Variants in MARCHF1 observed in about 807,000 individuals in gnomAD.
MARCHF1 encodes the protein E3 ubiquitin-protein ligase MARCHF1.
In MARCHF1, 40 loss-of-function variants were observed where a neutral mutation model predicts 54.2. The ratio of observed to expected loss-of-function variants is 0.74; its 90% confidence interval spans 0.57 to 0.96. MARCHF1 has a LOEUF of 0.96. MARCHF1 is among the 40% of genes least tolerant of loss of function. MARCHF1 has a pLI of 0.00. For missense variants in MARCHF1, 586 were observed against 656.5 expected (o/e 0.89, Z 1.17); for synonymous variants, 236 against 236.3 (o/e 1.00, Z 0.01).
At chr4:164,090,966 C>T (rs1188828075) in intron 2 of MARCHF1, among the ~76,000 whole-genome samples, 18 of 144,074 alleles carry the variant, frequency 1.2e-4, no homozygotes, top group Non-Finnish European at 1.7e-4. Context: ...AGAAATCACC[C>T]CATTTCAAAC....
At chr4:163,539,569 A>G (rs764670133) in intron 9 of MARCHF1, among the ~76,000 whole-genome samples, 1 of 152,180 alleles carries the variant, frequency 6.6e-6, no homozygotes, top group Non-Finnish European at 1.5e-5. Context: ...AGATCTTTCT[A>G]ACTTCACTGT....
chr4:163,924,979 C>T (rs1262773532), intron 3 of MARCHF1, among the ~76,000 whole-genome samples: 2 of 151,726 alleles, frequency 1.3e-5, no homozygotes, highest in African/African-American at 4.8e-5. Flanking sequence ...TGGCTTTTCT[C>T]ATGAGCAAAA....
intron 8 of MARCHF1, among the ~76,000 whole-genome samples, chr4:163,566,531 G>C (rs1739650545): frequency 6.6e-6 from 1 of 152,192 alleles, no homozygotes; most frequent in South Asian, 2.1e-4. Context: ...TAAGAACAAA[G>C]AGAGTCTTTG....
At chr4:164,324,267 A>G (rs1735216708) in intron 1 of MARCHF1, among the ~76,000 whole-genome samples, 1 of 151,840 alleles carries the variant, frequency 6.6e-6, no homozygotes, top group African/African-American at 2.4e-5. Context: ...AAAATAGAAA[A>G]CATAAAACAC....
chr4:163,555,762 C>G, intron 8 of MARCHF1: 1 of 296,202 alleles, frequency 3.4e-6, no homozygotes, highest in African/African-American at 2.2e-5. Flanking sequence ...AGGTTGAAAC[C>G]CTTGCCGAGC....
chr4:163,547,875 TAG>T (rs1192634213), intron 8 of MARCHF1, among the ~76,000 whole-genome samples: 1 of 152,236 alleles, frequency 6.6e-6, no homozygotes, highest in African/African-American at 2.4e-5. Flanking sequence ...AGGAGTTTGT[TAG>T]AGTTAATTAA....
chr4:164,352,523 T>G (rs1381815763), intron 1 of MARCHF1, among the ~76,000 whole-genome samples: 8 of 140,976 alleles, frequency 5.7e-5, no homozygotes, highest in African/African-American at 1.5e-4. Flanking sequence ...GCTTCATAAG[T>G]GAAGGAGAAA....
At chr4:163,964,281 T>C (rs4056340) in intron 3 of MARCHF1, among the ~76,000 whole-genome samples, 80,905 of 151,862 alleles carry the variant, frequency 0.53, 23,048 homozygotes, top group Middle Eastern at 0.68. Flanking sequence ...AACTTCACTA[T>C]GAGTAGAAAC....
At chr4:163,741,307 G>A (rs1039951214) in intron 4 of MARCHF1, among the ~76,000 whole-genome samples, 3 of 152,106 alleles carry the variant, frequency 2.0e-5, no homozygotes, top group Admixed American at 6.5e-5. Flanking sequence ...TGTACAGGCC[G>A]GGTGTGGTGG....
At chr4:164,139,119 A>G (rs1464627698) in intron 1 of MARCHF1, among the ~76,000 whole-genome samples, 1 of 152,214 alleles carries the variant, frequency 6.6e-6, no homozygotes, top group African/African-American at 2.4e-5. Flanking sequence ...GATGAGTACA[A>G]TATTTTGCAA....
chr4:164,023,780 C>T (rs544894278), intron 2 of MARCHF1, among the ~76,000 whole-genome samples: 1 of 152,036 alleles, frequency 6.6e-6, no homozygotes, highest in Admixed American at 6.5e-5. Context: ...ATCTGAATGA[C>T]AAGAAAGCTT....
intron 1 of MARCHF1, among the ~76,000 whole-genome samples, chr4:164,145,507 G>C (rs1013916858): frequency 6.6e-6 from 1 of 151,814 alleles, no homozygotes; most frequent in Admixed American, 6.6e-5. Context: ...GGGATGCAAG[G>C]CTGGTTCAAT....
At chr4:164,225,211 T>C (rs746907614) in intron 1 of MARCHF1, among the ~76,000 whole-genome samples, 3 of 152,096 alleles carry the variant, frequency 2.0e-5, no homozygotes, top group African/African-American at 7.2e-5. Flanking sequence ...ACAGAATGTA[T>C]TTTATGAAGC....
intron 3 of MARCHF1, among the ~76,000 whole-genome samples, chr4:163,972,360 T>A (rs1026087369): frequency 1.2e-4 from 18 of 152,158 alleles, no homozygotes; most frequent in East Asian, 7.7e-4. Context: ...AAAATTTTTT[T>A]AAAAATTGAT....
intron 2 of MARCHF1, among the ~76,000 whole-genome samples, chr4:164,005,110 AAAGAT>A (rs1285492172): frequency 1.7e-4 from 26 of 152,102 alleles, no homozygotes; most frequent in African/African-American, 7.2e-5. Context: ...TACCAATAAC[AAAGAT>A]AAGAGGAAAC....
intron 2 of MARCHF1, among the ~76,000 whole-genome samples, chr4:164,002,710 C>T (rs1753209761): frequency 6.6e-6 from 1 of 151,644 alleles, no homozygotes; most frequent in South Asian, 2.1e-4. Context: ...ATCCAAGAAG[C>T]CCATCAAATC....
intron 3 of MARCHF1, among the ~76,000 whole-genome samples, chr4:163,953,268 A>G (rs887035883): frequency 2.6e-5 from 4 of 152,140 alleles, no homozygotes; most frequent in African/African-American, 9.7e-5. Context: ...CTGTGATACA[A>G]TGTAAAATAT....
intron 1 of MARCHF1, among the ~76,000 whole-genome samples, chr4:164,160,321 A>G (rs1730197350): frequency 6.6e-6 from 1 of 152,102 alleles, no homozygotes; most frequent in Non-Finnish European, 1.5e-5. Context: ...CTAGGTTACA[A>G]ACCTGTATAG....
intron 3 of MARCHF1, among the ~76,000 whole-genome samples, chr4:163,867,494 A>T (rs1750078371): frequency 6.6e-6 from 1 of 151,632 alleles, no homozygotes; most frequent in Admixed American, 6.6e-5. Flanking sequence ...TAATAAACTT[A>T]TTATATATAA....
Sources: allele counts gnomAD v4.1 joint callset (sites outside exome capture counted in the v4.1 genomes callset), GRCh38; gene constraint gnomAD v4.1.1; transcripts MANE v1.5; gene names NCBI Gene and HGNC (gene_info 2026-07-23, HGNC 2026-07-21).